Variants in MAPRE3 observed in about 807,000 individuals in gnomAD.
MAPRE3 encodes the protein microtubule-associated protein RP/EB family member 3.
MAPRE3 carries 2 observed loss-of-function variants against 30.5 expected under a neutral mutation model. The observed-to-expected ratio is 0.07, with a 90% CI of 0.03 to 0.21. The LOEUF (loss-of-function observed/expected upper bound fraction) is 0.21. Ranked by LOEUF, MAPRE3 falls within the 10% of genes least tolerant of loss-of-function variation. MAPRE3 has a pLI of 1.00. For missense variants in MAPRE3, 204 were observed against 351.8 expected, an observed-to-expected ratio of 0.58 and a Z score of 3.36; for synonymous variants, 110 against 127.7, an observed-to-expected ratio of 0.86 and a Z score of 0.93.
At chr2:26,996,525 G>T (rs554275314) in intron 1 of MAPRE3, among the ~76,000 whole-genome samples, 9 of 152,188 alleles carry the variant, frequency 5.9e-5, no homozygotes, top group South Asian at 4.1e-4. Flanking sequence ...CACCAGGGCC[G>T]GGCGCGGTGG....
chr2:27,023,518 A>C (rs1264829366), intron 3 of MAPRE3, 41 bp downstream of exon 3: 2 of 1,611,282 alleles, frequency 1.2e-6, no homozygotes, highest in African/African-American at 2.7e-5. Flanking sequence ...GAGCAGTGTG[A>C]CCCTGGGGAA....
intron 1 of MAPRE3, among the ~76,000 whole-genome samples, chr2:26,990,521 T>A (rs1184157710): frequency 6.6e-6 from 1 of 152,128 alleles, no homozygotes; most frequent in Non-Finnish European, 1.5e-5. Flanking sequence ...GAATGAGGGA[T>A]GGAAAACTAA....
At chr2:26,987,491 A>G (rs902899081) in intron 1 of MAPRE3, among the ~76,000 whole-genome samples, 5 of 152,120 alleles carry the variant, frequency 3.3e-5, no homozygotes, top group African/African-American at 1.2e-4. Flanking sequence ...ACAAAAAAAT[A>G]GCTGGGCATG....
At chr2:27,018,895 T>TTTTATTTTTTTA (rs1667047033) in intron 1 of MAPRE3, among the ~76,000 whole-genome samples, 3 of 146,850 alleles carry the variant, frequency 2.0e-5, no homozygotes, top group Non-Finnish European at 4.5e-5. Flanking sequence ...GCACACACAT[T>TTTTATTTTTTTA]TTTATTTATT....
In MAPRE3 at chr2:27,026,325, C is replaced by G. The variant is rs1198147907; in HGVS notation, c.823C>G (p.Gln275Glu). Residue 275 changes from glutamine to glutamate, a missense_variant, in exon 7 of 7, where the codon CAA becomes GAA. Gln to Glu is a conservative substitution (Grantham distance 29). Transcript: ENST00000233121. ...PEDDEIEEHQ[Q>E]EDQDEY ...GGACGATGAGATTGAAGAGCATCAA[C>G]AAGAAGACCAGGACGAGTACTGAGG... The G allele has an allele frequency of 1.1e-5, 17 of 1,613,934 alleles. No homozygotes were observed. Among genetic ancestry groups the G allele is most frequent in the Non-Finnish European group, 1.4e-5 (17 of 1,179,962 alleles).
chr2:26,992,879 A>C (rs1231282600), intron 1 of MAPRE3, among the ~76,000 whole-genome samples: 1 of 152,190 alleles, frequency 6.6e-6, no homozygotes, highest in African/African-American at 2.4e-5. Context: ...GATTCTGTAT[A>C]ATGTGTTGCT....
chr2:27,022,395 C>T (rs998523796), intron 2 of MAPRE3, 56 bp downstream of exon 2: 17 of 1,599,518 alleles, frequency 1.1e-5, no homozygotes, highest in East Asian at 2.2e-5. Flanking sequence ...AAAGAAAGGT[C>T]GGAAGGCAGA....
At chr2:27,017,845 T>G (rs529407686) in intron 1 of MAPRE3, among the ~76,000 whole-genome samples, 5 of 152,230 alleles carry the variant, frequency 3.3e-5, no homozygotes, top group African/African-American at 1.2e-4. Flanking sequence ...TAACATATAA[T>G]GTATATATAA....
intron 1 of MAPRE3, among the ~76,000 whole-genome samples, chr2:27,020,467 G>A (rs1162800924): frequency 6.6e-6 from 1 of 152,162 alleles, no homozygotes; most frequent in South Asian, 2.1e-4. Context: ...ATAAAGATGT[G>A]GTTACAAGAA....
intron 1 of MAPRE3, among the ~76,000 whole-genome samples, chr2:26,995,112 G>T (rs928102311): frequency 1.3e-5 from 2 of 152,126 alleles, no homozygotes; most frequent in African/African-American, 4.8e-5. Context: ...TGGCCATATT[G>T]TCTCAAGTCA....
At chr2:27,016,022 C>T (rs1016369516) in intron 1 of MAPRE3, among the ~76,000 whole-genome samples, 1 of 152,212 alleles carries the variant, frequency 6.6e-6, no homozygotes, top group Non-Finnish European at 1.5e-5. Flanking sequence ...GGAAATGACT[C>T]AGCAAAATCA....
At chr2:27,003,088 T>G (rs1666638679) in intron 1 of MAPRE3, 1 of 152,292 alleles carries the variant, frequency 6.6e-6, no homozygotes, top group South Asian at 2.1e-4. Flanking sequence ...GAGTGAGTGA[T>G]CCCTATGCAT....
intron 1 of MAPRE3, among the ~76,000 whole-genome samples, chr2:27,017,650 T>TC (rs1356881383): frequency 6.6e-6 from 1 of 151,964 alleles, no homozygotes; most frequent in Non-Finnish European, 1.5e-5. Flanking sequence ...GCTAGTATTT[T>TC]CCCCCCAGAT....
chr2:27,008,173 A>C (rs1666771614), intron 1 of MAPRE3, among the ~76,000 whole-genome samples: 1 of 152,234 alleles, frequency 6.6e-6, no homozygotes, highest in Non-Finnish European at 1.5e-5. Flanking sequence ...CCTCTCAAAC[A>C]ATTTTGTTCA....
chr2:26,980,101 A>G (rs182232930), intron 1 of MAPRE3, among the ~76,000 whole-genome samples: 1 of 152,326 alleles, frequency 6.6e-6, no homozygotes, highest in Admixed American at 6.5e-5. Context: ...GAAAAAAGGA[A>G]CAAGATGGTG....
At chr2:26,993,593 G>C (rs902673345) in intron 1 of MAPRE3, among the ~76,000 whole-genome samples, 21 of 152,088 alleles carry the variant, frequency 1.4e-4, no homozygotes, top group African/African-American at 4.8e-4. Flanking sequence ...TCCTGTTGAG[G>C]GAAAGTTCTG....
rs1325550516 is a variant in MAPRE3, at chr2:27,026,396, C to T, written c.*48C>T. 1.4e-6 allele frequency: 2 copies of T among 1,454,204 alleles called. No homozygotes were observed. Among genetic ancestry groups the T allele is most frequent in the South Asian group, 1.2e-5 (1 of 85,020 alleles). 90.1% of individuals were successfully genotyped at this position (1,454,204 alleles called of 1,614,324 possible). ...CTGCACAGCTTCCCCGTGCCTCCCTCCCTGCTCCACTCCCACATTATAGTC... is the reference window on the plus strand; with the variant it reads ...CTGCACAGCTTCCCCGTGCCTCCCTTCCTGCTCCACTCCCACATTATAGTC... On this transcript the variant is annotated 3_prime_UTR_variant, in exon 7 of 7. Transcript: ENST00000233121.
intron 1 of MAPRE3, among the ~76,000 whole-genome samples, chr2:27,000,756 T>C (rs534382101): frequency 6.6e-5 from 10 of 152,316 alleles, no homozygotes; most frequent in African/African-American, 2.4e-4. Flanking sequence ...TGGACCTCAG[T>C]GGCCCTAGTT....
rs1666270118 is a variant in MAPRE3 at position 26,988,859 on chromosome 2, T to G, written c.-8+18057T>G. Among the ~76,000 whole-genome samples the G allele has an allele frequency of 2.0e-5, 3 of 152,312 alleles. No homozygotes were observed. The South Asian group carries it at 6.2e-4, about 32-fold the overall frequency. On this transcript the variant is annotated intron_variant, in intron 1 of 6. Coordinates refer to ENST00000233121, the MANE Select transcript of MAPRE3 (RefSeq NM_012326.4). ...TAGAGGGGGTTTCCTCCTTGAGGTA[T>G]GTGGAGTTGATCTTGGCTTGAAAAC...
Sources: allele counts gnomAD v4.1 joint callset (sites outside exome capture counted in the v4.1 genomes callset), GRCh38; gene constraint gnomAD v4.1.1; transcripts MANE v1.5; gene names NCBI Gene and HGNC (gene_info 2026-07-23, HGNC 2026-07-21).